ST8SIA6: variants seen among roughly 807,000 people sequenced by gnomAD.
ST8SIA6 encodes ST8 alpha-N-acetyl-neuraminide alpha-2,8-sialyltransferase 6.
A neutral mutation model predicts 33.6 loss-of-function variants in ST8SIA6; 39 were observed. The ratio of observed to expected loss-of-function variants is 1.16; its 90% CI spans 0.90 to 1.52. The LOEUF (loss-of-function observed/expected upper bound fraction) is 1.52, where lower values mean the gene tolerates loss of function less well. ST8SIA6 is among the 40% of genes most tolerant of loss of function. The pLI is 0.00. For missense variants in ST8SIA6, 441 were observed against 443.8 expected (o/e 0.99, Z 0.06); for synonymous variants, 172 against 167.2 (o/e 1.03, Z -0.22).
intron 2 of ST8SIA6, among the ~76,000 whole-genome samples, chr10:17,452,261 G>A (rs1852939819): frequency 6.6e-6 from 1 of 152,200 alleles, no homozygotes; most frequent in African/African-American, 2.4e-5. Flanking sequence ...AGGCAGTGGT[G>A]TTCCTCAATT....
intron 4 of ST8SIA6, among the ~76,000 whole-genome samples, chr10:17,332,838 T>A (rs1414025177): frequency 6.6e-6 from 1 of 152,166 alleles, no homozygotes; most frequent in Non-Finnish European, 1.5e-5. Flanking sequence ...TTTTTCATGT[T>A]TGTTGGCTGC....
At chr10:17,321,863 A>G (rs1420038578) in intron 7 of ST8SIA6, among the ~76,000 whole-genome samples, 1 of 152,160 alleles carries the variant, frequency 6.6e-6, no homozygotes, top group Non-Finnish European at 1.5e-5. Flanking sequence ...TGGGAGGCTG[A>G]GGCGAGAAGA....
At chr10:17,416,108 G>A (rs970239660) in intron 2 of ST8SIA6, among the ~76,000 whole-genome samples, 1 of 151,900 alleles carries the variant, frequency 6.6e-6, no homozygotes, top group Non-Finnish European at 1.5e-5. Flanking sequence ...GTACTGGGCC[G>A]CACTTATCTT....
chr10:17,407,169 A>G (rs1851296077), intron 2 of ST8SIA6, among the ~76,000 whole-genome samples: 1 of 152,214 alleles, frequency 6.6e-6, no homozygotes, highest in African/African-American at 2.4e-5. Context: ...CACATAGCTT[A>G]AAGTCAGGCT....
chr10:17,408,575 G>A (rs371519101), intron 2 of ST8SIA6, among the ~76,000 whole-genome samples: 3 of 151,702 alleles, frequency 2.0e-5, no homozygotes, highest in East Asian at 2.0e-4. Flanking sequence ...GAGGAGAATC[G>A]CTTGAACCCG....
intron 2 of ST8SIA6, chr10:17,399,081 C>G (rs892937043): frequency 2.6e-5 from 4 of 152,138 alleles, no homozygotes; most frequent in Non-Finnish European, 5.9e-5. Context: ...CAAAAGTCTG[C>G]CTTTGTATAT....
intron 3 of ST8SIA6, among the ~76,000 whole-genome samples, chr10:17,367,758 A>T (rs879419527): frequency 6.6e-6 from 1 of 152,176 alleles, no homozygotes; most frequent in Admixed American, 6.5e-5. Context: ...TACAAGTAAG[A>T]CCTATAAATT....
chr10:17,350,459 C>T (rs964027394), intron 4 of ST8SIA6, among the ~76,000 whole-genome samples: 5 of 152,078 alleles, frequency 3.3e-5, no homozygotes, highest in Admixed American at 6.5e-5. Flanking sequence ...AAGGCTGAGG[C>T]GGGAGGATCG....
intron 2 of ST8SIA6, among the ~76,000 whole-genome samples, chr10:17,440,602 C>T (rs1006473472): frequency 8.5e-5 from 13 of 152,168 alleles, no homozygotes; most frequent in Non-Finnish European, 1.6e-4. Flanking sequence ...AACTCCTGTG[C>T]ACTACACCGG....
At chr10:17,337,989 C>T (rs552562218) in intron 4 of ST8SIA6, among the ~76,000 whole-genome samples, 57 of 152,140 alleles carry the variant, frequency 3.7e-4, no homozygotes, top group African/African-American at 1.3e-3. Context: ...CCATTACCCC[C>T]ACCCGATTTC....
chr10:17,413,840 G>A (rs997045226), intron 2 of ST8SIA6, among the ~76,000 whole-genome samples: 1 of 152,080 alleles, frequency 6.6e-6, no homozygotes. Context: ...AACTCACATT[G>A]TCGTTTACCA....
chr10:17,319,391 G>A lies in ST8SIA6; in HGVS notation c.*1487C>T, dbSNP rs1160087810. ...GTTTAGCCAAAGATTTTTGGCTAAC[G>A]TGAATCTAGGTAGGATTGTTGTAAA... On this transcript the variant is annotated 3_prime_UTR_variant, in exon 8 of 8. Transcript: ENST00000377602. 6.6e-6 allele frequency among the ~76,000 whole-genome samples: 1 copy of A among 152,132 alleles called. No individual in the cohort carries two copies. The highest frequency in any genetic ancestry group is 1.5e-5 in the Non-Finnish European group (1 of 68,032).
At chr10:17,402,927 A>G (rs529849265) in intron 2 of ST8SIA6, among the ~76,000 whole-genome samples, 8 of 152,330 alleles carry the variant, frequency 5.3e-5, no homozygotes, top group Non-Finnish European at 1.0e-4. Flanking sequence ...AAGTATAATA[A>G]TAAAAAATAA....
intron 3 of ST8SIA6, among the ~76,000 whole-genome samples, chr10:17,384,631 G>T (rs760148767): frequency 4.6e-5 from 7 of 152,078 alleles, no homozygotes; most frequent in Non-Finnish European, 1.0e-4. Context: ...TCTTCAAAAT[G>T]ATGTTTTCAT....
rs141444728 is a variant in ST8SIA6 at position 17,352,760 on chromosome 10, A to G, written c.377+6754T>C. On this transcript the variant is annotated intron_variant, in intron 4 of 7. Coordinates refer to ENST00000377602, the MANE Select transcript of ST8SIA6 (RefSeq NM_001004470.3). ...TGCAAGAGTTAGTTTCTGTTATTAA[A>G]TACGGAAGAAGTAATGACATGGTGT... Among the ~76,000 whole-genome samples the G allele has an allele frequency of 2.6e-3, 389 of 152,216 alleles. 2 individuals are homozygous for G. The highest frequency in any genetic ancestry group is 8.9e-3 in the African/African-American group (370 of 41,564).
intron 2 of ST8SIA6, among the ~76,000 whole-genome samples, chr10:17,401,104 G>A (rs1443200719): frequency 6.6e-6 from 1 of 152,018 alleles, no homozygotes; most frequent in Non-Finnish European, 1.5e-5. Context: ...AAATCAATGT[G>A]CAAAAATCAC....
At chr10:17,381,032 G>T (rs202145648) in intron 3 of ST8SIA6, among the ~76,000 whole-genome samples, 2 of 148,370 alleles carry the variant, frequency 1.3e-5, no homozygotes, top group Non-Finnish European at 3.0e-5. Flanking sequence ...TTGAGCAAAA[G>T]TTTTTTTTTT....
intron 2 of ST8SIA6, among the ~76,000 whole-genome samples, chr10:17,394,405 A>G (rs1850727983): frequency 6.6e-6 from 1 of 151,870 alleles, no homozygotes; most frequent in South Asian, 2.1e-4. Context: ...TAGGAATTTA[A>G]TGGGATGTAT....
chr10:17,400,834 G>C (rs1851011639), intron 2 of ST8SIA6, among the ~76,000 whole-genome samples: 1 of 152,162 alleles, frequency 6.6e-6, no homozygotes, highest in African/African-American at 2.4e-5. Context: ...TACTGAATGG[G>C]CAAAAACTGG....
Sources: gnomAD v4.1 joint callset for allele counts (sites outside exome capture counted in the v4.1 genomes callset) on GRCh38, gnomAD v4.1.1 for gene constraint, MANE v1.5 for transcripts, NCBI Gene and HGNC (gene_info 2026-07-23, HGNC 2026-07-21) for gene names.